FEM1C: variants seen among roughly 807,000 people sequenced by gnomAD.
FEM1C encodes the protein fem-1 homolog C, also known as protein fem-1 homolog C.
A neutral mutation model predicts 37.6 loss-of-function variants in FEM1C; 15 were observed. That is an observed-to-expected ratio of 0.40 (90% CI 0.27 to 0.61). The LOEUF is 0.61. Ranked by LOEUF, FEM1C falls within the 20% of genes least tolerant of loss-of-function variation. The pLI is 0.42. For missense variants in FEM1C, 532 were observed against 749.7 expected (o/e 0.71, Z 3.39); for synonymous variants, 287 against 272.8 (o/e 1.05, Z -0.51).
rs547969572 is a variant in FEM1C at position 115,543,572 on chromosome 5, G to A, written c.-79C>T. On this transcript the variant is annotated 5_prime_UTR_variant, in exon 2 of 3. Transcript: ENST00000274457. ...TTTAACTCTATCGACACAGGCAAGA[G>A]TCACAGGAACCAAAGTCCAATGTTA... is the stretch of plus-strand genomic sequence containing the variant. 3.3e-6 allele frequency: 5 copies of A among 1,510,356 alleles called. No homozygotes were observed. In the African/African-American group the frequency reaches 6.9e-5, roughly 21 times the overall value. The allele number at this position is 1,510,356 out of a possible 1,614,324, so 93.6% of individuals were successfully genotyped here. A position where few individuals can be genotyped will look rare whatever the true frequency, so the allele number is the denominator to read the frequency against.
Position 115,525,182 on chromosome 5 carries a change from T to A in FEM1C, c.980A>T (p.Glu327Val). The A allele has an allele frequency of 6.2e-7, 1 of 1,613,522 alleles. No homozygotes were observed. Among genetic ancestry groups the A allele is most frequent in the Non-Finnish European group, 8.5e-7 (1 of 1,179,794 alleles). Residue 327 changes from glutamate (E) to valine (V), a missense_variant, in exon 3 of 3, where the codon GAA (glutamate) becomes GTA (valine). Around this residue, in one of 3 missense-constraint regions of FEM1C, gnomAD observed 221 missense variants for 404.1 expected, o/e 0.55. Coordinates refer to ENST00000274457, the MANE Select transcript of FEM1C (RefSeq NM_020177.3). ...EMRMQALLIR[E>V]RILGPSHPDT... The stretch of plus-strand genomic sequence containing the variant: ...AGGATGAGAAGGACCAAGAATACGT[T>A]CTCTGATTAATAGTGCCTGCATTCT...
chr5:115,543,850 A>AC, intron 1 of FEM1C, 167 bp from the exon 2 acceptor site: 1 of 982,110 alleles, frequency 1.0e-6, no homozygotes, highest in Non-Finnish European at 1.2e-6. Flanking sequence ...AAAGAAAAAT[A>AC]CAGAAGGATA....
At chr5:115,533,722 A>C (rs973576782) in intron 2 of FEM1C, among the ~76,000 whole-genome samples, 1 of 151,970 alleles carries the variant, frequency 6.6e-6, no homozygotes, top group South Asian at 2.1e-4. Flanking sequence ...TCAGAATGAG[A>C]AAGACAATGA....
chr5:115,526,489 C>T (rs1034781434), intron 2 of FEM1C, among the ~76,000 whole-genome samples: 3 of 152,114 alleles, frequency 2.0e-5, no homozygotes, highest in African/African-American at 2.4e-5. Context: ...TTCCCACACA[C>T]AGATTAAAAC....
chr5:115,532,541 G>GAAAA (rs1357266450), intron 2 of FEM1C, among the ~76,000 whole-genome samples: 8 of 149,314 alleles, frequency 5.4e-5, no homozygotes, highest in Non-Finnish European at 6.0e-5. Context: ...AAACAGAGGG[G>GAAAA]AAAAAAAAAA....
Position 115,523,979 on chromosome 5 carries a change from A to G in FEM1C, c.*329T>C, listed in dbSNP as rs1263000956. 1.4e-5 allele frequency: 3 copies of G among 214,002 alleles called. No individual in the cohort carries two copies. The Admixed American group carries it at 1.6e-4, about 11-fold the overall frequency. The allele number at this position is 214,002 out of a possible 1,614,324, so 13.3% of individuals were successfully genotyped here. ...AATTGTATAAAATTCACAAACCAGTAAAGTATAAAGACACCATGGAGAAAT... is the reference window on the plus strand; with the variant it reads ...AATTGTATAAAATTCACAAACCAGTGAAGTATAAAGACACCATGGAGAAAT... On this transcript the variant is annotated 3_prime_UTR_variant, in exon 3 of 3. Coordinates refer to ENST00000274457, the MANE Select transcript of FEM1C (RefSeq NM_020177.3).
intron 2 of FEM1C, among the ~76,000 whole-genome samples, chr5:115,526,485 C>A (rs1439497785): frequency 6.6e-6 from 1 of 152,132 alleles, no homozygotes; most frequent in East Asian, 1.9e-4. Flanking sequence ...TTTCTTCCCA[C>A]ACACAGATTA....
chr5:115,525,187 G>A lies in FEM1C; in HGVS notation c.975C>T (p.Ile325=), dbSNP rs1210490684. The A allele has an allele frequency of 1.9e-6, 3 of 1,613,334 alleles. No individual in the cohort carries two copies. In the African/African-American group the frequency reaches 4.0e-5, roughly 22 times the overall value. The change falls in exon 3 of 3, where the codon ATC becomes ATT. Residue 325 remains isoleucine, a synonymous_variant. Coordinates refer to ENST00000274457, the MANE Select transcript of FEM1C (RefSeq NM_020177.3). ...PDEMRMQALL[I]RERILGPSHP... is the part of the protein sequence containing the mutation. The stretch of plus-strand genomic sequence containing the variant: ...GAGAAGGACCAAGAATACGTTCTCT[G>A]ATTAATAGTGCCTGCATTCTCATCT...
chr5:115,521,713 A>T lies in FEM1C; in HGVS notation c.*2595T>A, dbSNP rs773374439. 4 of 151,884 alleles carry T rather than the reference A, an allele frequency of 2.6e-5. No homozygotes were observed. The highest frequency in any genetic ancestry group is 9.7e-5 in the African/African-American group (4 of 41,420). The allele number at this position is 151,884 out of a possible 1,614,324, so 9.4% of individuals were successfully genotyped here. On this transcript the variant is annotated 3_prime_UTR_variant, in exon 3 of 3. Transcript: ENST00000274457. ...TTAGACTCAAGAGTGTAATTGGTTC[A>T]TTATTAAATTTACTCATCTGTGGTT...
In FEM1C at chr5:115,522,401, G is replaced by C. The variant is rs1753794624; in HGVS notation, c.*1907C>G. On this transcript the variant is annotated 3_prime_UTR_variant, in exon 3 of 3. Transcript: ENST00000274457. Reference sequence around the variant, plus strand: ...AAATATTTCATCAAATTTTCCCACAGTGAGAGATAGTAAAACCTCTTCATC... The same window carrying C: ...AAATATTTCATCAAATTTTCCCACACTGAGAGATAGTAAAACCTCTTCATC... The C allele has an allele frequency of 6.6e-6, 1 of 151,882 alleles. No individual in the cohort carries two copies. The allele number at this position is 151,882 out of a possible 1,614,324, so 9.4% of individuals were successfully genotyped here. A position where few individuals can be genotyped will look rare whatever the true frequency, so the allele number is the denominator to read the frequency against.
rs748896415 is a variant in FEM1C, at chr5:115,525,566, T to A, written c.596A>T (p.Lys199Met). Reference sequence around the variant, plus strand: ...CTTGGCACAATACATAAGAAGCATCTTCATGATGTCCAAACTTCCAGATTC... The same window carrying A: ...CTTGGCACAATACATAAGAAGCATCATCATGATGTCCAAACTTCCAGATTC... ...CAESGSLDIM[K>M]MLLMYCAKME... The change falls in exon 3 of 3, where the codon AAG (lysine) becomes ATG (methionine). Residue 199 changes from lysine to methionine, a missense_variant. This residue lies in a region of FEM1C where 221 missense variants were observed against 404.1 expected (regional missense o/e 0.55). Transcript: ENST00000274457. 6 of 1,613,564 alleles carry A rather than the reference T, an allele frequency of 3.7e-6. No homozygotes were observed. The highest frequency in any genetic ancestry group is 5.1e-6 in the Non-Finnish European group (6 of 1,179,726).
intron 2 of FEM1C, among the ~76,000 whole-genome samples, chr5:115,536,798 T>G (rs1007645752): frequency 6.6e-6 from 1 of 151,952 alleles, no homozygotes; most frequent in Admixed American, 6.6e-5. Flanking sequence ...AACAGAAATT[T>G]AACAATAAAG....
chr5:115,526,418 ATAATT>A (rs1455992273), intron 2 of FEM1C, among the ~76,000 whole-genome samples: 1 of 152,114 alleles, frequency 6.6e-6, no homozygotes, highest in African/African-American at 2.4e-5. Flanking sequence ...ATTTCCTATT[ATAATT>A]TAACTTTTTA....
Position 115,525,390 on chromosome 5 carries a change from T to G in FEM1C, c.772A>C (p.Lys258Gln). 1 of 1,613,696 alleles carries G rather than the reference T, an allele frequency of 6.2e-7. No homozygotes were observed. The highest frequency in any genetic ancestry group is 8.5e-7 in the Non-Finnish European group (1 of 1,179,792). The stretch of plus-strand genomic sequence containing the variant: ...AAAGCCCCAAGCAGATCTCTTTTTT[T>G]GTCTACAAATGTAGCTCCCAGAAGC... ...LELLGATFVD[K>Q]KRDLLGALKY... Residue 258 changes from lysine (K) to glutamine (Q), a missense_variant, in exon 3 of 3, where the codon AAA (lysine) becomes CAA (glutamine). Lys to Gln is a moderately conservative substitution (Grantham distance 53). This residue lies in a region of FEM1C where 221 missense variants were observed against 404.1 expected (regional missense o/e 0.55). Coordinates refer to ENST00000274457, the MANE Select transcript of FEM1C (RefSeq NM_020177.3).
intron 2 of FEM1C, among the ~76,000 whole-genome samples, chr5:115,542,560 T>C (rs1299063919): frequency 1.0e-5 from 1 of 96,876 alleles, no homozygotes; most frequent in Non-Finnish European, 2.0e-5. Context: ...TCCAAGGTTG[T>C]TCTAAAAAAA....
At chr5:115,538,577 G>A (rs1030167464) in intron 2 of FEM1C, among the ~76,000 whole-genome samples, 1 of 151,926 alleles carries the variant, frequency 6.6e-6, no homozygotes, top group Non-Finnish European at 1.5e-5. Flanking sequence ...ATGTCACAGT[G>A]TTGTAGTAGA....
intron 2 of FEM1C, among the ~76,000 whole-genome samples, chr5:115,529,772 T>C (rs2127170716): frequency 6.6e-6 from 1 of 152,154 alleles, no homozygotes; most frequent in Admixed American, 6.5e-5. Context: ...TGTAAAGACA[T>C]AAAATTAGAA....
rs1753780543 is a variant in FEM1C, at chr5:115,521,749, C to T, written c.*2559G>A. Reference sequence around the variant, plus strand: ...TACTCATCTGTGGTTCAAAAAATAACACAAATTTAAGTATTTTATTATAAT... The same window carrying T: ...TACTCATCTGTGGTTCAAAAAATAATACAAATTTAAGTATTTTATTATAAT... On this transcript the variant is annotated 3_prime_UTR_variant, in exon 3 of 3. Coordinates refer to ENST00000274457, the MANE Select transcript of FEM1C (RefSeq NM_020177.3). 1.3e-5 allele frequency: 2 copies of T among 150,238 alleles called. No homozygotes were observed. Among genetic ancestry groups the T allele is most frequent in the Non-Finnish European group, 1.5e-5 (1 of 67,296 alleles). 9.3% of individuals were successfully genotyped at this position (150,238 alleles called of 1,614,324 possible). A position where few individuals can be genotyped will look rare whatever the true frequency, so the allele number is the denominator to read the frequency against.
At chr5:115,529,134 G>T (rs993445452) in intron 2 of FEM1C, among the ~76,000 whole-genome samples, 1 of 151,972 alleles carries the variant, frequency 6.6e-6, no homozygotes. Flanking sequence ...CAATATTTAA[G>T]AAAAGATAAA....
Sources: gnomAD v4.1 joint callset for allele counts (sites outside exome capture counted in the v4.1 genomes callset) on GRCh38, gnomAD v4.1.1 for gene constraint, gnomAD v4.1.1 regional missense constraint, MANE v1.5 for transcripts, NCBI Gene and HGNC (gene_info 2026-07-23, HGNC 2026-07-21) for gene names.